Variants in PRKG1 observed in about 807,000 individuals in gnomAD.
The protein encoded by PRKG1 is protein kinase cGMP-dependent 1, also known as cGMP-dependent protein kinase 1.
PRKG1 carries 35 observed loss-of-function variants against 88.1 expected under a neutral mutation model. That is an observed-to-expected ratio of 0.40 (90% CI 0.30 to 0.53). PRKG1 has a LOEUF of 0.53. Ranked by LOEUF, PRKG1 falls within the 20% of genes least tolerant of loss-of-function variation. The pLI is 0.59. For synonymous variants in PRKG1, 303 were observed against 292.5 expected (o/e 1.04, Z -0.37); for missense variants, 540 against 839.8 (o/e 0.64, Z 4.41).
chr10:51,681,966 G>A (rs1840861733), intron 3 of PRKG1, among the ~76,000 whole-genome samples: 1 of 152,100 alleles, frequency 6.6e-6, no homozygotes, highest in Non-Finnish European at 1.5e-5. Flanking sequence ...AGTGCAAATA[G>A]TTCCTCAAAC....
At chr10:51,270,330 T>C (rs572003810) in intron 2 of PRKG1, among the ~76,000 whole-genome samples, 2 of 152,334 alleles carry the variant, frequency 1.3e-5, no homozygotes, top group South Asian at 4.1e-4. Flanking sequence ...ATTATCTTTG[T>C]GACAGCAAGC....
At chr10:51,753,904 T>C (rs1437024902) in intron 3 of PRKG1, among the ~76,000 whole-genome samples, 1 of 152,164 alleles carries the variant, frequency 6.6e-6, no homozygotes, top group Non-Finnish European at 1.5e-5. Context: ...CTTTTTGTTT[T>C]TTAATACCTG....
chr10:51,107,633 C>T (rs1172381653), intron 1 of PRKG1, among the ~76,000 whole-genome samples: 2 of 151,482 alleles, frequency 1.3e-5, no homozygotes, highest in Non-Finnish European at 2.9e-5. Flanking sequence ...AGTTTGAGAA[C>T]AGCAACACAG....
intron 2 of PRKG1, among the ~76,000 whole-genome samples, chr10:51,266,389 T>C (rs1839836747): frequency 6.6e-6 from 1 of 152,062 alleles, no homozygotes; most frequent in African/African-American, 2.4e-5. Flanking sequence ...GAACAGGAAG[T>C]CAAAAGCCCA....
At chr10:51,208,231 T>TA (rs1179776353) in intron 2 of PRKG1, among the ~76,000 whole-genome samples, 1 of 152,216 alleles carries the variant, frequency 6.6e-6, no homozygotes, top group African/African-American at 2.4e-5. Context: ...ATGGAGTTTT[T>TA]ATATGTGTAG....
chr10:51,247,463 GA>G (rs1368984783), intron 2 of PRKG1, among the ~76,000 whole-genome samples: 1 of 151,788 alleles, frequency 6.6e-6, no homozygotes, highest in Non-Finnish European at 1.5e-5. Context: ...AATATTCAAG[GA>G]AAAAATTCAG....
chr10:52,005,125 C>A (rs989182475), intron 5 of PRKG1, among the ~76,000 whole-genome samples: 12 of 152,046 alleles, frequency 7.9e-5, no homozygotes, highest in Non-Finnish European at 1.2e-4. Context: ...ATTTTCTATA[C>A]CCTGAAGCTT....
At chr10:51,125,893 A>G (rs909054528) in intron 1 of PRKG1, among the ~76,000 whole-genome samples, 35 of 137,230 alleles carry the variant, frequency 2.6e-4, no homozygotes, top group Admixed American at 2.3e-4. Flanking sequence ...TATGATTTAT[A>G]ATTATAAAAA....
At chr10:51,147,337 A>G in intron 1 of PRKG1, among the ~76,000 whole-genome samples, 1 of 152,186 alleles carries the variant, frequency 6.6e-6, no homozygotes, top group Admixed American at 6.5e-5. Context: ...TGGATATGAT[A>G]ATTACCCTGA....
At chr10:51,762,786 G>A (rs1838053800) in intron 3 of PRKG1, among the ~76,000 whole-genome samples, 1 of 152,092 alleles carries the variant, frequency 6.6e-6, no homozygotes, top group South Asian at 2.1e-4. Flanking sequence ...TTTAATATCT[G>A]CCAGCAAAGG....
chr10:51,552,633 C>T (rs1332479612), intron 3 of PRKG1, among the ~76,000 whole-genome samples: 1 of 151,550 alleles, frequency 6.6e-6, no homozygotes, highest in Admixed American at 6.6e-5. Context: ...TTAATGTGAC[C>T]ATACTACCTT....
chr10:52,149,132 C>T lies in PRKG1; in HGVS notation c.1002-12757C>T, dbSNP rs763295729. Reference sequence around the variant, plus strand: ...GTGATTAGTAGCAATGAAAAGGAGACTTGTTTTAGAAAAAACATGGGGTAC... The same window carrying T: ...GTGATTAGTAGCAATGAAAAGGAGATTTGTTTTAGAAAAAACATGGGGTAC... On this transcript the variant is annotated intron_variant, in intron 8 of 17. Coordinates refer to ENST00000373980, the MANE Select transcript of PRKG1 (RefSeq NM_006258.4). Among the ~76,000 whole-genome samples, 109 of 151,722 alleles carry T rather than the reference C, an allele frequency of 7.2e-4. 1 individual carries two copies. Among genetic ancestry groups the T allele is most frequent in the Middle Eastern group, 6.8e-3 (2 of 294 alleles).
intron 2 of PRKG1, among the ~76,000 whole-genome samples, chr10:51,372,866 C>G (rs533108131): frequency 3.9e-5 from 6 of 152,058 alleles, no homozygotes; most frequent in African/African-American, 1.2e-4. Flanking sequence ...ATCTTATATT[C>G]CTGGAATAAA....
intron 1 of PRKG1, among the ~76,000 whole-genome samples, chr10:51,111,488 G>A (rs145241643): frequency 2.6e-5 from 4 of 152,140 alleles, no homozygotes; most frequent in African/African-American, 9.6e-5. Flanking sequence ...AAACTTTGGA[G>A]GATGTTTTAG....
chr10:51,465,150 T>C (rs535841723), intron 2 of PRKG1, among the ~76,000 whole-genome samples: 61 of 152,186 alleles, frequency 4.0e-4, no homozygotes, highest in Non-Finnish European at 5.3e-4. Flanking sequence ...CACTCTTTCC[T>C]ATGGGGCGAA....
intron 9 of PRKG1, among the ~76,000 whole-genome samples, chr10:52,166,798 C>CGTATAT (rs1564498372): frequency 3.1e-5 from 3 of 96,778 alleles, no homozygotes; most frequent in African/African-American, 5.6e-5. Flanking sequence ...TATATATATA[C>CGTATAT]ATATATATAT....
At chr10:52,271,640 C>A in intron 11 of PRKG1, 151 bp downstream of exon 11, 2 of 886,546 alleles carry the variant, frequency 2.3e-6, no homozygotes, top group Non-Finnish European at 3.2e-6. Flanking sequence ...TGTTTGATTT[C>A]TAAAAATAAA....
intron 3 of PRKG1, among the ~76,000 whole-genome samples, chr10:51,635,481 T>G (rs980233913): frequency 9.9e-5 from 15 of 152,104 alleles, no homozygotes; most frequent in African/African-American, 3.4e-4. Flanking sequence ...AAATAAATTT[T>G]TTTTCTTCCC....
At chr10:52,199,856 C>A (rs1181516275) in intron 9 of PRKG1, among the ~76,000 whole-genome samples, 3 of 152,142 alleles carry the variant, frequency 2.0e-5, no homozygotes, top group African/African-American at 7.2e-5. Context: ...CTACACATCC[C>A]TAAAAGCTTT....
Sources: allele counts gnomAD v4.1 joint callset (sites outside exome capture counted in the v4.1 genomes callset), GRCh38; gene constraint gnomAD v4.1.1; transcripts MANE v1.5; gene names NCBI Gene and HGNC (gene_info 2026-07-23, HGNC 2026-07-21).